Variants in EPS8 observed in about 807,000 individuals in gnomAD.
The protein encoded by EPS8 is EGFR pathway substrate 8, signaling adaptor, also known as epidermal growth factor receptor kinase substrate 8.
A neutral mutation model predicts 103.8 loss-of-function variants in EPS8; 42 were observed. That is an observed-to-expected ratio of 0.40 (90% CI 0.32 to 0.52). The LOEUF is 0.52. Ranked by LOEUF, EPS8 falls within the 20% of genes least tolerant of loss-of-function variation. The pLI is 0.40. For synonymous variants in EPS8, 344 were observed against 344.6 expected, an observed-to-expected ratio of 1.00 and a Z score of 0.02; for missense variants, 969 against 1,005.1, an observed-to-expected ratio of 0.96 and a Z score of 0.49.
chr12:15,781,630 T>C lies in EPS8; in HGVS notation c.-22+7531A>G, dbSNP rs1400641928. The stretch of plus-strand genomic sequence containing the variant: ...TCTTGAAGACTACTGGTTCTAACTT[T>C]AGTGCAACATTATAAATATTTCTAA... On this transcript the variant is annotated intron_variant, in intron 1 of 20. Coordinates refer to ENST00000281172, the MANE Select transcript of EPS8 (RefSeq NM_004447.6). The surrounding 1 kb of genome is among the most constrained non-coding windows in gnomAD (Gnocchi z 4.1). The C allele has an allele frequency of 6.6e-6, 1 of 152,266 alleles. No individual in the cohort carries two copies. The allele number at this position is 152,266 out of a possible 1,614,324, so 9.4% of individuals were successfully genotyped here.
chr12:15,712,146 T>G (rs1449323986), intron 1 of EPS8, among the ~76,000 whole-genome samples: 1 of 152,336 alleles, frequency 6.6e-6, no homozygotes, highest in Non-Finnish European at 1.5e-5. Flanking sequence ...AACATCATAA[T>G]TATAAAATTG....
In EPS8 at chr12:15,751,543, T is replaced by A. The variant is rs1946931397; in HGVS notation, c.-22+37618A>T. The stretch of plus-strand genomic sequence containing the variant: ...AGACAAACCGGTCAATTAGTGTGCC[T>A]CCACAAACACTTATTCAACAAATAT... On this transcript the variant is annotated intron_variant, in intron 1 of 20. Coordinates refer to ENST00000281172, the MANE Select transcript of EPS8 (RefSeq NM_004447.6). The surrounding 1 kb of genome is among the most constrained non-coding windows in gnomAD (Gnocchi z 4.3). Among the ~76,000 whole-genome samples, 1 of 152,034 alleles carries A rather than the reference T, an allele frequency of 6.6e-6. No individual in the cohort carries two copies. Among genetic ancestry groups the A allele is most frequent in the South Asian group, 2.1e-4 (1 of 4,820 alleles).
At chr12:15,663,938 A>AATAAT (rs1555112191) in intron 8 of EPS8, among the ~76,000 whole-genome samples, 1 of 36,416 alleles carries the variant, frequency 2.7e-5, no homozygotes, top group Non-Finnish European at 6.0e-5. Flanking sequence ...AAAAAAAAAA[A>AATAAT]AAAAAAAATA....
rs953853114 is a variant in EPS8 at position 15,717,138 on chromosome 12, A to G, written c.-21-34166T>C. On this transcript the variant is annotated intron_variant, in intron 1 of 20. Transcript: ENST00000281172. This position sits in a 1 kb window ranked among gnomAD's most constrained non-coding sequence, Gnocchi z 4.3. ...AGGGACAGGAGATGCAATATGACTT[A>G]TCTTTGGGAGAATCATATCTAACTA... Among the ~76,000 whole-genome samples, 2 of 152,234 alleles carry G rather than the reference A, an allele frequency of 1.3e-5. No individual in the cohort carries two copies. Among genetic ancestry groups the G allele is most frequent in the Non-Finnish European group, 2.9e-5 (2 of 68,034 alleles).
At position 15,738,465 on chromosome 12, in the gene EPS8, G is replaced by A. The variant is rs1480341153; in HGVS notation, c.-22+50696C>T. On this transcript the variant is annotated intron_variant, in intron 1 of 20. Coordinates refer to ENST00000281172, the MANE Select transcript of EPS8 (RefSeq NM_004447.6). This position sits in a 1 kb window ranked among gnomAD's most constrained non-coding sequence, Gnocchi z 6.2. ...TTAAGTTACATTTTCAATATGTTTG[G>A]TGTTTGAAGGATCAATCTATACTAA... 6.6e-6 allele frequency among the ~76,000 whole-genome samples: 1 copy of A among 152,104 alleles called. No homozygotes were observed. The highest frequency in any genetic ancestry group is 1.5e-5 in the Non-Finnish European group (1 of 68,002).
rs191430168 is a variant in EPS8 at position 15,690,044 on chromosome 12, A to T, written c.-21-7072T>A. Among the ~76,000 whole-genome samples, 132 of 152,338 alleles carry T rather than the reference A, an allele frequency of 8.7e-4. 1 individual carries two copies. Among genetic ancestry groups the T allele is most frequent in the African/African-American group, 3.1e-3 (129 of 41,584 alleles). ...AGCTGTAACCCAAGGATGAGATATA[A>T]TATTTTAATATTTAACCACCCTGTC... On this transcript the variant is annotated intron_variant, in intron 1 of 20. Coordinates refer to ENST00000281172, the MANE Select transcript of EPS8 (RefSeq NM_004447.6). The surrounding 1 kb of genome is among the most constrained non-coding windows in gnomAD (Gnocchi z 4.7).
In EPS8 at chr12:15,650,905, T is replaced by A; in HGVS notation, c.1352A>T (p.Gln451Leu). The stretch of plus-strand genomic sequence containing the variant: ...AGATTCTGCCAGTTGATAAAGATCT[T>A]GTTCCATTGTGGCTCCCATAAAGTT... Reference protein sequence around the residue: ...MLNFMGATMEQDLYQLAESVA... With the variant: ...MLNFMGATMELDLYQLAESVA... The change falls in exon 14 of 21, where the codon CAA becomes CTA. Residue 451 changes from glutamine to leucine, a missense_variant. Physicochemically the swap from Gln to Leu is moderately radical, Grantham distance 113. Transcript: ENST00000281172. 1 of 1,614,150 alleles carries A rather than the reference T, an allele frequency of 6.2e-7. No individual in the cohort carries two copies. Among genetic ancestry groups the A allele is most frequent in the Non-Finnish European group, 8.5e-7 (1 of 1,179,954 alleles).
chr12:15,626,062 A>C (rs1181822953), intron 18 of EPS8, among the ~76,000 whole-genome samples: 2 of 151,972 alleles, frequency 1.3e-5, no homozygotes, highest in Non-Finnish European at 2.9e-5. Context: ...TGCTTTTTAG[A>C]CTTCTCAACT....
Position 15,734,065 on chromosome 12 carries a change from C to G in EPS8, c.-21-51093G>C, listed in dbSNP as rs1946743744. On this transcript the variant is annotated intron_variant, in intron 1 of 20. Transcript: ENST00000281172. This position sits in a 1 kb window ranked among gnomAD's most constrained non-coding sequence, Gnocchi z 4.1. Reference sequence around the variant, plus strand: ...ATGTTGCCCAGACTAGTCTCAAACTCCTGAGCTCAAGTAATCCTCCCATCT... The same window carrying G: ...ATGTTGCCCAGACTAGTCTCAAACTGCTGAGCTCAAGTAATCCTCCCATCT... 6.6e-6 allele frequency among the ~76,000 whole-genome samples: 1 copy of G among 152,018 alleles called. No individual in the cohort carries two copies. The highest frequency in any genetic ancestry group is 2.1e-4 in the South Asian group (1 of 4,806).
At chr12:15,742,991 A>G (rs1223937896) in intron 1 of EPS8, among the ~76,000 whole-genome samples, 1 of 152,230 alleles carries the variant, frequency 6.6e-6, no homozygotes, top group Non-Finnish European at 1.5e-5. Flanking sequence ...TGCAGATGAC[A>G]TGATTGTCTA....
rs1027889923 is a variant in EPS8 at position 15,757,725 on chromosome 12, C to T, written c.-22+31436G>A. Among the ~76,000 whole-genome samples the T allele has an allele frequency of 1.3e-5, 2 of 152,128 alleles. No individual in the cohort carries two copies. The highest frequency in any genetic ancestry group is 2.9e-5 in the Non-Finnish European group (2 of 68,008). ...AACAAGTCACACTGACATTACATGC[C>T]CCCTAATGTGATGCAACAGGAAATG... On this transcript the variant is annotated intron_variant, in intron 1 of 20. Coordinates refer to ENST00000281172, the MANE Select transcript of EPS8 (RefSeq NM_004447.6). This position sits in a 1 kb window ranked among gnomAD's most constrained non-coding sequence, Gnocchi z 4.1.
In EPS8 at chr12:15,728,633, C is replaced by G. The variant is rs1283233366; in HGVS notation, c.-21-45661G>C. 6.6e-6 allele frequency among the ~76,000 whole-genome samples: 1 copy of G among 152,154 alleles called. No individual in the cohort carries two copies. The highest frequency in any genetic ancestry group is 2.4e-5 in the African/African-American group (1 of 41,442). On this transcript the variant is annotated intron_variant, in intron 1 of 20. Coordinates refer to ENST00000281172, the MANE Select transcript of EPS8 (RefSeq NM_004447.6). The surrounding 1 kb of genome is among the most constrained non-coding windows in gnomAD (Gnocchi z 4.5). ...TACATGAAAATACAAGGCCTAAAAT[C>G]ACAGATTTTACTATTTACATTTCAG...
intron 15 of EPS8, among the ~76,000 whole-genome samples, chr12:15,643,687 C>T (rs997375229): frequency 2.8e-5 from 4 of 140,894 alleles, no homozygotes; most frequent in African/African-American, 1.1e-4. Context: ...TGCAGTAGGC[C>T]GATATCGTGC....
At chr12:15,743,175 G>C (rs1458929090) in intron 1 of EPS8, among the ~76,000 whole-genome samples, 2 of 152,112 alleles carry the variant, frequency 1.3e-5, no homozygotes, top group African/African-American at 4.8e-5. Context: ...GCTTCAAAGA[G>C]AATAAAATAC....
rs1482104498 is a variant in EPS8 at position 15,761,297 on chromosome 12, A to C, written c.-22+27864T>G. Among the ~76,000 whole-genome samples the C allele has an allele frequency of 6.6e-6, 1 of 152,148 alleles. No individual in the cohort carries two copies. The highest frequency in any genetic ancestry group is 2.4e-5 in the African/African-American group (1 of 41,444). On this transcript the variant is annotated intron_variant, in intron 1 of 20. Transcript: ENST00000281172. The surrounding 1 kb of genome is among the most constrained non-coding windows in gnomAD (Gnocchi z 4.5). ...AAAGAAATTCAAGAGGACACCAAAA[A>C]ATGGAAAATATTCTATGTTCATGGA... is the stretch of plus-strand genomic sequence containing the variant.
intron 1 of EPS8, among the ~76,000 whole-genome samples, chr12:15,756,178 C>G (rs995770048): frequency 6.6e-6 from 1 of 152,072 alleles, no homozygotes; most frequent in Non-Finnish European, 1.5e-5. Context: ...AGTCTAGCAG[C>G]AAGTAACAGG....
chr12:15,655,853 T>C (rs1455935187), intron 12 of EPS8, among the ~76,000 whole-genome samples: 1 of 152,232 alleles, frequency 6.6e-6, no homozygotes, highest in South Asian at 2.1e-4. Flanking sequence ...CACTACATCA[T>C]GCTGGCCAGT....
chr12:15,752,907 T>G lies in EPS8; in HGVS notation c.-22+36254A>C, dbSNP rs543373580. Among the ~76,000 whole-genome samples, 60 of 152,234 alleles carry G rather than the reference T, an allele frequency of 3.9e-4. 1 individual carries two copies. Among genetic ancestry groups the G allele is most frequent in the African/African-American group, 1.3e-3 (56 of 41,530 alleles). On this transcript the variant is annotated intron_variant, in intron 1 of 20. Coordinates refer to ENST00000281172, the MANE Select transcript of EPS8 (RefSeq NM_004447.6). The surrounding 1 kb of genome is among the most constrained non-coding windows in gnomAD (Gnocchi z 4.4). Reference sequence around the variant, plus strand: ...GGCAAGGCAAGAACCATTACTTTCCTAACAACATCAACAATATTAGTTGCA... The same window carrying G: ...GGCAAGGCAAGAACCATTACTTTCCGAACAACATCAACAATATTAGTTGCA...
Position 15,654,161 on chromosome 12 carries a change from T to C in EPS8, c.1234A>G (p.Thr412Ala). The C allele has an allele frequency of 1.2e-6, 2 of 1,613,736 alleles. 1 individual carries two copies. Among genetic ancestry groups the C allele is most frequent in the South Asian group, 2.2e-5 (2 of 91,066 alleles). The change falls in exon 13 of 21, where the codon ACT (threonine) becomes GCT (alanine). Residue 412 changes from threonine to alanine, a missense_variant. Physicochemically the swap from Thr to Ala is moderately conservative, Grantham distance 58 (BLOSUM62 0). Coordinates refer to ENST00000281172, the MANE Select transcript of EPS8 (RefSeq NM_004447.6). ...ERQLWMSLGG[T>A]WMKARAEWPK... ...AATGCTTACCTGGCTTTCATCCAAG[T>C]TCCTCCCAATGACATCCACAGCTGC... is the stretch of plus-strand genomic sequence containing the variant.
Sources: allele counts gnomAD v4.1 joint callset (sites outside exome capture counted in the v4.1 genomes callset), GRCh38; gene constraint gnomAD v4.1.1; non-coding constraint Gnocchi (gnomAD v3.1); transcripts MANE v1.5; gene names NCBI Gene and HGNC (gene_info 2026-07-23, HGNC 2026-07-21).